Variants in KIAA1217 observed in about 807,000 individuals in gnomAD.
The protein encoded by KIAA1217 is sickle tail protein homolog.
In KIAA1217, 88 loss-of-function variants were observed where a neutral mutation model predicts 163.9. The ratio of observed to expected loss-of-function variants is 0.54; its 90% CI spans 0.45 to 0.64. KIAA1217 has a LOEUF of 0.64. Among genes scored for constraint, KIAA1217 ranks in the 30% least tolerant of loss-of-function variants. KIAA1217 has a pLI of 0.00. For synonymous variants in KIAA1217, 903 were observed against 923.1 expected, an observed-to-expected ratio of 0.98 and a Z score of 0.39; for missense variants, 2,372 against 2,475.0, an observed-to-expected ratio of 0.96 and a Z score of 0.88.
At chr10:23,935,953 T>A (rs1843508384) in intron 1 of KIAA1217, among the ~76,000 whole-genome samples, 1 of 152,038 alleles carries the variant, frequency 6.6e-6, no homozygotes, top group African/African-American at 2.4e-5. Context: ...AAGGTCCTGA[T>A]TACAAAAGAG....
At chr10:23,846,016 A>G (rs1438667137) in intron 1 of KIAA1217, among the ~76,000 whole-genome samples, 1 of 152,120 alleles carries the variant, frequency 6.6e-6, no homozygotes, top group Admixed American at 6.5e-5. Flanking sequence ...TCTTTGTGTC[A>G]GGTTTGTCAA....
At chr10:23,847,523 T>G (rs1220746764) in intron 1 of KIAA1217, among the ~76,000 whole-genome samples, 1 of 152,186 alleles carries the variant, frequency 6.6e-6, no homozygotes, top group East Asian at 1.9e-4. Context: ...TAGAGGTGTT[T>G]ATAGTATTCT....
At chr10:23,760,777 C>CA (rs1834222749) in intron 1 of KIAA1217, among the ~76,000 whole-genome samples, 1 of 151,838 alleles carries the variant, frequency 6.6e-6, no homozygotes, top group Non-Finnish European at 1.5e-5. Context: ...CCTGTCTCTG[C>CA]AAAAAATTTT....
At chr10:24,209,110 C>G (rs2067745066), upstream of KIAA1217, 2 of 1,219,020 alleles carry the variant, frequency 1.6e-6, no homozygotes, top group Non-Finnish European at 2.4e-6. Flanking sequence ...GCCCCGGGCC[C>G]CCTCCCAGGC....
intron 1 of KIAA1217, among the ~76,000 whole-genome samples, chr10:23,877,723 A>G (rs1315724965): frequency 6.6e-6 from 1 of 151,992 alleles, no homozygotes; most frequent in East Asian, 1.9e-4. Context: ...AAAAGCTTTA[A>G]CATTAGCTAC....
intron 2 of KIAA1217, among the ~76,000 whole-genome samples, chr10:24,375,739 G>A (rs1303171322): frequency 6.6e-6 from 1 of 152,170 alleles, no homozygotes; most frequent in Non-Finnish European, 1.5e-5. Context: ...GGCAAATTGG[G>A]CATTAATTAG....
chr10:24,108,727 C>G (rs1447533722), intron 2 of KIAA1217, among the ~76,000 whole-genome samples: 2 of 152,154 alleles, frequency 1.3e-5, no homozygotes, highest in African/African-American at 4.8e-5. Flanking sequence ...ATGCCAAGAT[C>G]TAAATATGGC....
chr10:23,704,166 G>GTATATA (rs1174988449), intron 1 of KIAA1217, among the ~76,000 whole-genome samples: 23 of 71,358 alleles, frequency 3.2e-4, no homozygotes, highest in African/African-American at 2.0e-3. Flanking sequence ...GTGTGTGTGT[G>GTATATA]TGTGTGTATA....
chr10:23,856,778 A>G (rs1839698510), intron 1 of KIAA1217, among the ~76,000 whole-genome samples: 1 of 152,240 alleles, frequency 6.6e-6, no homozygotes. Flanking sequence ...TGTGCTAGCA[A>G]TCAGCGAGAT....
intron 2 of KIAA1217, among the ~76,000 whole-genome samples, chr10:24,161,454 C>CCTCTGACGTAGA (rs2065117330): frequency 6.6e-6 from 1 of 152,190 alleles, no homozygotes; most frequent in Non-Finnish European, 1.5e-5. Flanking sequence ...ACTTTGTGAA[C>CCTCTGACGTAGA]GCTGGGCTCT....
At chr10:24,090,788 T>A (rs1362594748) in intron 2 of KIAA1217, among the ~76,000 whole-genome samples, 1 of 151,836 alleles carries the variant, frequency 6.6e-6, no homozygotes, top group Non-Finnish European at 1.5e-5. Context: ...TATTCTAGAA[T>A]AAATTTCTCA....
intron 1 of KIAA1217, among the ~76,000 whole-genome samples, chr10:23,805,670 CTTAAAAG>C (rs1204494436): frequency 6.6e-6 from 1 of 152,044 alleles, no homozygotes; most frequent in Non-Finnish European, 1.5e-5. Context: ...TACCACTGAA[CTTAAAAG>C]TTAAAAATAG....
chr10:24,063,532 G>T (rs1475776138), intron 2 of KIAA1217, among the ~76,000 whole-genome samples: 1 of 152,170 alleles, frequency 6.6e-6, no homozygotes, highest in Non-Finnish European at 1.5e-5. Context: ...ATGCTGTTTT[G>T]GTTACTGTAG....
At position 23,983,919 on chromosome 10, in the gene KIAA1217, T is replaced by G. The variant is rs143262531; in HGVS notation, c.-320-23306T>G. On this transcript the variant is annotated intron_variant, in intron 1 of 18. Transcript: ENST00000376462. Reference sequence around the variant, plus strand: ...AGGCAAGTTAACTGCTTATGCCCAATGCCCACACACCCATCACTGTGTACC... The same window carrying G: ...AGGCAAGTTAACTGCTTATGCCCAAGGCCCACACACCCATCACTGTGTACC... 9.9e-3 allele frequency among the ~76,000 whole-genome samples: 1,501 copies of G among 152,298 alleles called. 15 individuals are homozygous for G. The highest frequency in any genetic ancestry group is 0.037 in the Middle Eastern group (11 of 294).
chr10:23,994,178 C>A (rs1262928406), intron 1 of KIAA1217, among the ~76,000 whole-genome samples: 1 of 152,168 alleles, frequency 6.6e-6, no homozygotes, highest in African/African-American at 2.4e-5. Flanking sequence ...TAGAAAAACC[C>A]TCCCATTGAC....
At chr10:24,411,207 T>C (rs2057742371) in intron 3 of KIAA1217, among the ~76,000 whole-genome samples, 1 of 152,210 alleles carries the variant, frequency 6.6e-6, no homozygotes, top group African/African-American at 2.4e-5. Flanking sequence ...GCTATTCAGT[T>C]GGACAGGTTT....
chr10:23,733,390 T>A (rs7075429), intron 1 of KIAA1217, among the ~76,000 whole-genome samples: 1 of 152,034 alleles, frequency 6.6e-6, no homozygotes, highest in African/African-American at 2.4e-5. Flanking sequence ...AGTAGTACAA[T>A]CATTTTTGGT....
intron 2 of KIAA1217, among the ~76,000 whole-genome samples, chr10:24,169,877 A>T (rs1002770943): frequency 1.3e-5 from 2 of 152,208 alleles, no homozygotes; most frequent in Admixed American, 6.5e-5. Context: ...GTAAACAACA[A>T]CAAAAAGAAA....
At chr10:24,488,937 T>C (rs1292411576) in intron 6 of KIAA1217, among the ~76,000 whole-genome samples, 1 of 152,208 alleles carries the variant, frequency 6.6e-6, no homozygotes, top group African/African-American at 2.4e-5. Flanking sequence ...GCAGTGCCTC[T>C]GCTGTGTCCA....
Sources: allele counts gnomAD v4.1 joint callset (sites outside exome capture counted in the v4.1 genomes callset), GRCh38; gene constraint gnomAD v4.1.1; transcripts MANE v1.5; gene names NCBI Gene and HGNC (gene_info 2026-07-23, HGNC 2026-07-21).